The following STK24 variants were observed in gnomAD, a reference collection of about 807,000 sequenced individuals.
The protein encoded by STK24 is serine/threonine-protein kinase 24.
In STK24, 21 loss-of-function variants were observed where a neutral mutation model predicts 55.6. The ratio of observed to expected loss-of-function variants is 0.38; its 90% CI spans 0.27 to 0.54. The LOEUF (loss-of-function observed/expected upper bound fraction) is 0.54. STK24 is among the 20% of genes least tolerant of loss of function. STK24 has a pLI of 0.79. For missense variants in STK24, 383 were observed against 538.4 expected, an observed-to-expected ratio of 0.71 and a Z score of 2.86; for synonymous variants, 200 against 215.2, an observed-to-expected ratio of 0.93 and a Z score of 0.62.
At position 98,483,131 on chromosome 13, in the gene STK24, G is replaced by A. The variant is rs181956467; in HGVS notation, c.274-810C>T. Among the ~76,000 whole-genome samples the A allele has an allele frequency of 3.6e-3, 553 of 152,342 alleles. 10 individuals carry two copies. Among genetic ancestry groups the A allele is most frequent in the East Asian group, 4.6e-3 (24 of 5,176 alleles). On this transcript the variant is annotated intron_variant, in intron 2 of 10. Coordinates refer to ENST00000539966, the MANE Select transcript of STK24 (RefSeq NM_001032296.4). ...CGCAAACCTGTCCGCCCTCCTTGGG[G>A]AGCCAGGCAGTGCAGGGCACGGGGC...
chr13:98,473,216 T>A (rs1043774825), intron 5 of STK24, among the ~76,000 whole-genome samples: 2 of 18,218 alleles, frequency 1.1e-4, no homozygotes, highest in Admixed American at 1.4e-3. Flanking sequence ...AGAATCAATA[T>A]GAAATAAATA....
intron 1 of STK24, among the ~76,000 whole-genome samples, chr13:98,548,008 C>CT (rs1408871535): frequency 1.3e-5 from 2 of 152,178 alleles, no homozygotes; most frequent in African/African-American, 2.4e-5. Flanking sequence ...CAGAGAGACT[C>CT]TAACTTCCCG....
At chr13:98,557,410 G>A (rs1008198909) in intron 1 of STK24, among the ~76,000 whole-genome samples, 9 of 152,144 alleles carry the variant, frequency 5.9e-5, no homozygotes, top group Admixed American at 5.2e-4. Context: ...GCGTGGGTGC[G>A]TTCATTCGCC....
intron 7 of STK24, among the ~76,000 whole-genome samples, chr13:98,462,403 T>A (rs1345315532): frequency 6.6e-6 from 1 of 151,896 alleles, no homozygotes; most frequent in Non-Finnish European, 1.5e-5. Context: ...CTCCGAGCGC[T>A]CCCTCCCCCA....
intron 1 of STK24, among the ~76,000 whole-genome samples, chr13:98,526,417 G>A (rs1375655854): frequency 6.6e-6 from 1 of 152,144 alleles, no homozygotes; most frequent in African/African-American, 2.4e-5. Flanking sequence ...TCATGACAAA[G>A]CTAAGAGGAA....
At chr13:98,524,638 G>A (rs1260873474) in intron 1 of STK24, among the ~76,000 whole-genome samples, 1 of 152,190 alleles carries the variant, frequency 6.6e-6, no homozygotes, top group Admixed American at 6.5e-5. Flanking sequence ...ATTGTTTTAG[G>A]TTGCTAAGTG....
At chr13:98,551,920 T>C (rs748803349) in intron 1 of STK24, among the ~76,000 whole-genome samples, 4 of 152,170 alleles carry the variant, frequency 2.6e-5, no homozygotes, top group Non-Finnish European at 5.9e-5. Context: ...GCTGCAGAAA[T>C]TGGATTGCTT....
intron 1 of STK24, among the ~76,000 whole-genome samples, chr13:98,564,003 T>A (rs1043144849): frequency 6.6e-6 from 1 of 151,748 alleles, no homozygotes; most frequent in Non-Finnish European, 1.5e-5. Flanking sequence ...AAAGTGTAAC[T>A]AAATCCAGTA....
rs761662858 is a variant in STK24 at position 98,449,490 on chromosome 13, C to G, written c.*3683G>C. On this transcript the variant is annotated 3_prime_UTR_variant, in exon 11 of 11. Transcript: ENST00000539966. Reference sequence around the variant, plus strand: ...CTTGGTTTTCCTAAGCCCTTTCTAACGAGAGTCTCAAACAAGCGGAGGCGA... The same window carrying G: ...CTTGGTTTTCCTAAGCCCTTTCTAAGGAGAGTCTCAAACAAGCGGAGGCGA... 2.6e-5 allele frequency: 4 copies of G among 152,300 alleles called. No individual in the cohort carries two copies. The highest frequency in any genetic ancestry group is 2.6e-4 in the Admixed American group (4 of 15,264). 9.4% of individuals were successfully genotyped at this position (152,300 alleles called of 1,614,324 possible).
At chr13:98,496,017 C>A (rs1895240079) in intron 2 of STK24, among the ~76,000 whole-genome samples, 1 of 152,212 alleles carries the variant, frequency 6.6e-6, no homozygotes, top group South Asian at 2.1e-4. Context: ...TGCAGCTGTG[C>A]CAGACTGATC....
At chr13:98,536,723 G>C (rs185520684) in intron 1 of STK24, among the ~76,000 whole-genome samples, 23 of 152,206 alleles carry the variant, frequency 1.5e-4, no homozygotes, top group Non-Finnish European at 2.6e-4. Context: ...TCCCCTGCAG[G>C]AGCCCAGTGC....
At chr13:98,553,757 A>C (rs1486235426) in intron 1 of STK24, 2 of 152,348 alleles carry the variant, frequency 1.3e-5, no homozygotes, top group African/African-American at 2.4e-5. Flanking sequence ...GCTGAAAAAA[A>C]GCAAGAAAAA....
chr13:98,533,031 T>G (rs747810047), intron 1 of STK24, among the ~76,000 whole-genome samples: 3 of 152,218 alleles, frequency 2.0e-5, no homozygotes, highest in Non-Finnish European at 4.4e-5. Flanking sequence ...AACAGAAAAT[T>G]GGCACAAAGA....
chr13:98,448,232 G>A lies in STK24; in HGVS notation c.*4941C>T. On this transcript the variant is annotated 3_prime_UTR_variant, in exon 11 of 11. Transcript: ENST00000539966. ...GTTGACTAACTGGCGTTCCCGTGTT[G>A]CAGGTGGATGGAAGTGATCCGCAGT... 6.2e-7 allele frequency: 1 copy of A among 1,613,348 alleles called. No individual in the cohort carries two copies. The highest frequency in any genetic ancestry group is 8.5e-7 in the Non-Finnish European group (1 of 1,179,322).
At position 98,448,000 on chromosome 13, in the gene STK24, A is replaced by C; in HGVS notation, c.*5173T>G. On this transcript the variant is annotated 3_prime_UTR_variant, in exon 11 of 11. Coordinates refer to ENST00000539966, the MANE Select transcript of STK24 (RefSeq NM_001032296.4). ...TCCTAACTGCTCCAATGGAGCGGGCAGTGTCACTGCAGCAAGGTACTTCCA... is the reference window on the plus strand; with the variant it reads ...TCCTAACTGCTCCAATGGAGCGGGCCGTGTCACTGCAGCAAGGTACTTCCA... 2 of 567,618 alleles carry C rather than the reference A, an allele frequency of 3.5e-6. No individual in the cohort carries two copies. Among genetic ancestry groups the C allele is most frequent in the Non-Finnish European group, 6.3e-6 (2 of 317,436 alleles). The allele number at this position is 567,618 out of a possible 1,614,324, so 35.2% of individuals were successfully genotyped here.
chr13:98,546,135 G>A (rs1897023667), intron 1 of STK24, among the ~76,000 whole-genome samples: 1 of 152,194 alleles, frequency 6.6e-6, no homozygotes, highest in Admixed American at 6.5e-5. Flanking sequence ...TGACCGCTGC[G>A]GCAAAGGCTG....
intron 2 of STK24, among the ~76,000 whole-genome samples, chr13:98,515,808 T>C (rs1896037909): frequency 6.6e-6 from 1 of 152,186 alleles, no homozygotes; most frequent in Non-Finnish European, 1.5e-5. Flanking sequence ...TGGTAATCTC[T>C]TCTTTGTCCT....
chr13:98,564,471 C>A (rs947350898), intron 1 of STK24, among the ~76,000 whole-genome samples: 4 of 152,198 alleles, frequency 2.6e-5, no homozygotes, highest in Non-Finnish European at 4.4e-5. Context: ...GGCCCAGGAA[C>A]AGGCACTGAG....
chr13:98,448,444 C>CCTGT lies in STK24; in HGVS notation c.*4725_*4728dup. On this transcript the variant is annotated 3_prime_UTR_variant, in exon 11 of 11. Transcript: ENST00000539966. ...AAAAACATGGCTTCCCAGCAGCTCT[C>CCTGT]CTGTCTCCACAGCCGCGTTTTTTAA... 1 of 772,376 alleles carries CCTGT rather than the reference C, an allele frequency of 1.3e-6. No homozygotes were observed. The highest frequency in any genetic ancestry group is 2.2e-6 in the Non-Finnish European group (1 of 452,442). The allele number at this position is 772,376 out of a possible 1,614,324, so 47.8% of individuals were successfully genotyped here.
Sources: allele counts gnomAD v4.1 joint callset (sites outside exome capture counted in the v4.1 genomes callset), GRCh38; gene constraint gnomAD v4.1.1; transcripts MANE v1.5; gene names NCBI Gene and HGNC (gene_info 2026-07-23, HGNC 2026-07-21).